TMEM266: variants seen among roughly 807,000 people sequenced by gnomAD.
The protein encoded by TMEM266 is Hv1 related protein 1.
A neutral mutation model predicts 50.5 loss-of-function variants in TMEM266; 33 were observed. The ratio of observed to expected loss-of-function variants is 0.65; its 90% CI spans 0.50 to 0.87. The LOEUF is 0.87. TMEM266 is among the 40% of genes least tolerant of loss of function. TMEM266 has a pLI of 0.00. For synonymous variants in TMEM266, 310 were observed against 292.3 expected, an observed-to-expected ratio of 1.06 and a Z score of -0.62; for missense variants, 655 against 695.1, an observed-to-expected ratio of 0.94 and a Z score of 0.65.
intron 1 of TMEM266, among the ~76,000 whole-genome samples, chr15:76,075,565 A>G (rs919078649): frequency 1.3e-5 from 2 of 152,080 alleles, no homozygotes; most frequent in Non-Finnish European, 2.9e-5. Flanking sequence ...GGACCCCTCA[A>G]TCAGGCAATT....
At chr15:76,123,848 G>T (rs2037379480) in intron 1 of TMEM266, among the ~76,000 whole-genome samples, 1 of 152,186 alleles carries the variant, frequency 6.6e-6, no homozygotes, top group Admixed American at 6.5e-5. Flanking sequence ...GAGTAGCTGG[G>T]ATTACAGGTG....
At chr15:76,188,617 A>G (rs182520628) in intron 8 of TMEM266, among the ~76,000 whole-genome samples, 1 of 152,230 alleles carries the variant, frequency 6.6e-6, no homozygotes, top group Admixed American at 6.5e-5. Context: ...CAAACGAACA[A>G]ACAAAAACTA....
chr15:76,163,174 G>A (rs2038043754), intron 5 of TMEM266, among the ~76,000 whole-genome samples: 1 of 152,210 alleles, frequency 6.6e-6, no homozygotes, highest in Non-Finnish European at 1.5e-5. Context: ...CCTCTGGGTG[G>A]GTGAGCGGGC....
At chr15:76,190,865 G>A (rs2038557186) in intron 8 of TMEM266, among the ~76,000 whole-genome samples, 1 of 152,150 alleles carries the variant, frequency 6.6e-6, no homozygotes, top group Admixed American at 6.5e-5. Context: ...GCGCCCGGGC[G>A]TGGTATTTCT....
At chr15:76,163,678 C>T (rs1389726635) in intron 5 of TMEM266, among the ~76,000 whole-genome samples, 1 of 152,136 alleles carries the variant, frequency 6.6e-6, no homozygotes, top group Non-Finnish European at 1.5e-5. Flanking sequence ...CTTGGGGCCT[C>T]CTGGCCAAGG....
rs149145346 is a variant in TMEM266, at chr15:76,198,194, A to G, written c.959-4008A>G. Among the ~76,000 whole-genome samples the G allele has an allele frequency of 1.4e-4, 22 of 152,236 alleles. No individual in the cohort carries two copies. The East Asian group carries it at 4.3e-3, about 30-fold the overall frequency. ...GAAGAAGCTGAAGCTCAGAGTGGCT[A>G]AGGGATCTACCTAAGGCCACACAGC... On this transcript the variant is annotated intron_variant, in intron 9 of 10. Transcript: ENST00000388942.
At chr15:76,178,943 C>T (rs1316842324) in intron 8 of TMEM266, among the ~76,000 whole-genome samples, 2 of 152,214 alleles carry the variant, frequency 1.3e-5, no homozygotes, top group East Asian at 3.8e-4. Context: ...AGGAGGGCAG[C>T]TCTCCTGGAG....
At chr15:76,094,513 C>T (rs1010577220) in intron 1 of TMEM266, among the ~76,000 whole-genome samples, 3 of 152,056 alleles carry the variant, frequency 2.0e-5, no homozygotes, top group Admixed American at 2.0e-4. Flanking sequence ...GTTTTTGTTA[C>T]TGTAGCCTTG....
At chr15:76,071,093 G>T (rs905301522) in intron 1 of TMEM266, among the ~76,000 whole-genome samples, 1 of 152,116 alleles carries the variant, frequency 6.6e-6, no homozygotes, top group Non-Finnish European at 1.5e-5. Flanking sequence ...GTTGTCTTGG[G>T]AGGCAGCCAC....
At chr15:76,118,813 T>G (rs2037291557) in intron 1 of TMEM266, among the ~76,000 whole-genome samples, 1 of 151,980 alleles carries the variant, frequency 6.6e-6, no homozygotes, top group Admixed American at 6.6e-5. Flanking sequence ...TTACGTAGAG[T>G]GTCATCACGT....
intron 5 of TMEM266, among the ~76,000 whole-genome samples, chr15:76,165,134 G>T (rs1243229426): frequency 6.6e-6 from 1 of 152,236 alleles, no homozygotes; most frequent in Non-Finnish European, 1.5e-5. Flanking sequence ...GCAGGGCCTG[G>T]ACCAGGTGCA....
intron 3 of TMEM266, among the ~76,000 whole-genome samples, chr15:76,148,693 G>T (rs1479157556): frequency 6.7e-6 from 1 of 149,968 alleles, no homozygotes; most frequent in Non-Finnish European, 1.5e-5. Context: ...CTGGGTGGGG[G>T]TTGCCAAGTG....
rs2038261713 is a variant in TMEM266, at chr15:76,175,583, A to C, written c.677A>C (p.Glu226Ala). The stretch of plus-strand genomic sequence containing the variant: ...GCCTACGTCCTGCCAGTGAAGCTGG[A>C]GATGGAGATGGTTATCCAGCAGTAC... Residue 226 changes from glutamate (E) to alanine (A), a missense_variant, in exon 8 of 11, where the codon GAG (glutamate) becomes GCG (alanine). Physicochemically the swap from Glu to Ala is moderately radical, Grantham distance 107 (BLOSUM62 -1). Around this residue, in one of 3 missense-constraint regions of TMEM266, gnomAD observed 101 missense variants for 182.6 expected, o/e 0.55. Coordinates refer to ENST00000388942, the MANE Select transcript of TMEM266 (RefSeq NM_152335.3). The C allele has an allele frequency of 6.2e-7, 1 of 1,613,928 alleles. No homozygotes were observed. The highest frequency in any genetic ancestry group is 1.3e-5 in the African/African-American group (1 of 74,924).
At chr15:76,130,297 G>A (rs1248780260) in intron 1 of TMEM266, among the ~76,000 whole-genome samples, 1 of 150,360 alleles carries the variant, frequency 6.7e-6, no homozygotes, top group Non-Finnish European at 1.5e-5. Flanking sequence ...CAGCACTTTG[G>A]GAGGCCGAGG....
chr15:76,166,178 T>A (rs968884143), intron 5 of TMEM266, among the ~76,000 whole-genome samples: 2 of 151,960 alleles, frequency 1.3e-5, no homozygotes, highest in Non-Finnish European at 2.9e-5. Flanking sequence ...GTTCTGTCCC[T>A]GCCTCCGTGG....
At chr15:76,086,839 G>A (rs2036783550) in intron 1 of TMEM266, among the ~76,000 whole-genome samples, 1 of 151,328 alleles carries the variant, frequency 6.6e-6, no homozygotes, top group Non-Finnish European at 1.5e-5. Flanking sequence ...ATGAAGACTT[G>A]GCCCATAACC....
At position 76,171,143 on chromosome 15, in the gene TMEM266, G is replaced by C; in HGVS notation, c.652+12G>C. On this transcript the variant is annotated intron_variant, in intron 7 of 10. Coordinates refer to ENST00000388942, the MANE Select transcript of TMEM266 (RefSeq NM_152335.3). Reference sequence around the variant, plus strand: ...GAGGGTCATTGATGGTGAGTGGCCCGAGGGGGGTGTGGTCAGTGGGGCTGC... The same window carrying C: ...GAGGGTCATTGATGGTGAGTGGCCCCAGGGGGGTGTGGTCAGTGGGGCTGC... 1 of 1,612,896 alleles carries C rather than the reference G, an allele frequency of 6.2e-7. No individual in the cohort carries two copies. The highest frequency in any genetic ancestry group is 8.5e-7 in the Non-Finnish European group (1 of 1,179,298).
At chr15:76,172,695 G>A (rs965206941) in intron 7 of TMEM266, among the ~76,000 whole-genome samples, 2 of 152,172 alleles carry the variant, frequency 1.3e-5, no homozygotes, top group Admixed American at 1.3e-4. Flanking sequence ...CCCCTCATTT[G>A]ACAGATGGGG....
intron 9 of TMEM266, among the ~76,000 whole-genome samples, chr15:76,194,040 C>T (rs183285006): frequency 2.3e-3 from 346 of 152,246 alleles, no homozygotes; most frequent in African/African-American, 7.9e-3. Flanking sequence ...TTTCTGGACC[C>T]AGGTCCCCAC....
Sources: gnomAD v4.1 joint callset for allele counts (sites outside exome capture counted in the v4.1 genomes callset) on GRCh38, gnomAD v4.1.1 for gene constraint, gnomAD v4.1.1 regional missense constraint, MANE v1.5 for transcripts, NCBI Gene and HGNC (gene_info 2026-07-23, HGNC 2026-07-21) for gene names.